AKAP10: variants seen among roughly 807,000 people sequenced by gnomAD.
AKAP10 encodes A-kinase anchor protein 10, mitochondrial.
A neutral mutation model predicts 80.8 loss-of-function variants in AKAP10; 24 were observed. The ratio of observed to expected loss-of-function variants is 0.30; its 90% confidence interval spans 0.22 to 0.42. AKAP10 has a LOEUF of 0.42. Ranked by LOEUF, AKAP10 falls within the 10% of genes least tolerant of loss-of-function variation. AKAP10 has a pLI of 1.00. For missense variants in AKAP10, 661 were observed against 794.9 expected (o/e 0.83, Z 2.03); for synonymous variants, 291 against 277.7 (o/e 1.05, Z -0.48).
chr17:19,909,012 T>C (rs2042661917), intron 14 of AKAP10, among the ~76,000 whole-genome samples, 169 bp downstream of exon 14: 1 of 152,220 alleles, frequency 6.6e-6, no homozygotes, highest in South Asian at 2.1e-4. Flanking sequence ...GTCCAATATA[T>C]GCAAACAGTT....
Position 19,939,911 on chromosome 17 carries a change from A to C in AKAP10, c.1186-62T>G, listed in dbSNP as rs142546883. The C allele has an allele frequency of 5.8e-4, 887 of 1,532,868 alleles. 5 individuals carry two copies. In the East Asian group the frequency reaches 0.018, roughly 31 times the overall value. The allele number at this position is 1,532,868 out of a possible 1,614,324, so 95.0% of individuals were successfully genotyped here. On this transcript the variant is annotated intron_variant, in intron 7 of 14. Coordinates refer to ENST00000225737, the MANE Select transcript of AKAP10 (RefSeq NM_007202.4). ...TAAACAGATTTCTCTCACAATCTCT[A>C]ATCTATAAGCTCAAATATTAAAATA...
chr17:19,942,328 G>A (rs1023804869), intron 5 of AKAP10, among the ~76,000 whole-genome samples: 2 of 151,452 alleles, frequency 1.3e-5, no homozygotes, highest in Non-Finnish European at 2.9e-5. Context: ...TGACCAACGT[G>A]AAAAGACATA....
intron 9 of AKAP10, among the ~76,000 whole-genome samples, chr17:19,932,779 ATC>A (rs1190904520): frequency 2.6e-5 from 4 of 152,098 alleles, no homozygotes; most frequent in Admixed American, 6.6e-5. Context: ...ATATCAAAAT[ATC>A]TGTTTCCACA....
chr17:19,927,652 G>A (rs755101060), intron 10 of AKAP10, among the ~76,000 whole-genome samples: 3 of 151,808 alleles, frequency 2.0e-5, no homozygotes, highest in East Asian at 3.9e-4. Context: ...AGCTCATGCC[G>A]GTAATCCCAG....
At chr17:19,927,872 T>C (rs1002329244) in intron 10 of AKAP10, among the ~76,000 whole-genome samples, 1 of 150,890 alleles carries the variant, frequency 6.6e-6, no homozygotes, top group African/African-American at 2.4e-5. Flanking sequence ...ATTGTGCCAT[T>C]GCACTCCAGC....
At chr17:19,918,975 G>A (rs1005073944) in intron 12 of AKAP10, among the ~76,000 whole-genome samples, 3 of 151,624 alleles carry the variant, frequency 2.0e-5, no homozygotes, top group Non-Finnish European at 4.4e-5. Context: ...TGTGCACAAC[G>A]TGCAGCTTTG....
At position 19,946,255 on chromosome 17, in the gene AKAP10, ATATATATATATATATATATATTTTTTT is replaced by A. The variant is rs1567765770; in HGVS notation, c.976+1125_976+1151del. Reference sequence around the variant, plus strand: ...ATATATATTATATATATATATATATATATATATATATATATATATATTTTTTTTTTTTTTTTTTTTTTTTGGCAGGGG... The same window carrying A: ...ATATATATTATATATATATATATATATTTTTTTTTTTTTTTTTGGCAGGGG... On this transcript the variant is annotated intron_variant, in intron 5 of 14. Transcript: ENST00000225737. 3.2e-3 allele frequency among the ~76,000 whole-genome samples: 68 copies of A among 21,350 alleles called. 1 individual carries two copies. The highest frequency in any genetic ancestry group is 0.013 in the African/African-American group (64 of 5,116). 14.0% of individuals were successfully genotyped at this position (21,350 alleles called of 152,430 possible).
At chr17:19,974,676 A>C (rs2043543283) in intron 1 of AKAP10, among the ~76,000 whole-genome samples, 2 of 151,554 alleles carry the variant, frequency 1.3e-5, no homozygotes, top group Admixed American at 1.3e-4. Context: ...TACTCTTACC[A>C]CATCCAGCCT....
At chr17:19,921,855 G>A (rs2042821136) in intron 11 of AKAP10, among the ~76,000 whole-genome samples, 1 of 152,136 alleles carries the variant, frequency 6.6e-6, no homozygotes, top group African/African-American at 2.4e-5. Flanking sequence ...CTGCTACAGT[G>A]ATGAGTTATA....
chr17:19,941,898 C>G lies in AKAP10; in HGVS notation c.989G>C (p.Gly330Ala), dbSNP rs1200790555. 6.2e-7 allele frequency: 1 copy of G among 1,609,876 alleles called. No individual in the cohort carries two copies. The highest frequency in any genetic ancestry group is 1.7e-5 in the Admixed American group (1 of 59,330). ...GTTGGGATCCACCTGTCCATCTTCT[C>G]CACAAATCCTTGCTGCAAAAGAAGT... is the stretch of plus-strand genomic sequence containing the variant. ...MRNDIIARICGEDGQVDPNCF... is the reference protein window; with the variant it reads ...MRNDIIARICAEDGQVDPNCF... Residue 330 changes from glycine (G) to alanine (A), a missense_variant, in exon 6 of 15, where the codon GGA (glycine) becomes GCA (alanine). Physicochemically the swap from Gly to Ala is moderately conservative, Grantham distance 60. Coordinates refer to ENST00000225737, the MANE Select transcript of AKAP10 (RefSeq NM_007202.4).
In AKAP10 at chr17:19,977,637, G is replaced by C; in HGVS notation, c.43C>G (p.Leu15Val). The C allele has an allele frequency of 8.1e-7, 1 of 1,235,314 alleles. No individual in the cohort carries two copies. The highest frequency in any genetic ancestry group is 1.0e-6 in the Non-Finnish European group (1 of 987,980). The allele number at this position is 1,235,314 out of a possible 1,614,324, so 76.5% of individuals were successfully genotyped here. Residue 15 changes from leucine to valine, a missense_variant, in exon 1 of 15, where the codon CTC (leucine) becomes GTC (valine). Coordinates refer to ENST00000225737, the MANE Select transcript of AKAP10 (RefSeq NM_007202.4). The stretch of plus-strand genomic sequence containing the variant: ...ATGGCGGGGCCCGGGTCGGGACGGA[G>C]GGTGCGGGGGGACTGGCGCGGGGAG... ...GPSPRQSPRT[L>V]RPDPGPAMSF... is the part of the protein sequence containing the mutation.
At chr17:19,938,977 C>T (rs558031512) in intron 8 of AKAP10, among the ~76,000 whole-genome samples, 1 of 152,256 alleles carries the variant, frequency 6.6e-6, no homozygotes, top group Non-Finnish European at 1.5e-5. Context: ...AGCGATTCAC[C>T]TGCCTCTGCC....
chr17:19,961,796 T>A (rs1349779161), intron 3 of AKAP10, among the ~76,000 whole-genome samples: 3 of 152,196 alleles, frequency 2.0e-5, no homozygotes, highest in African/African-American at 7.2e-5. Flanking sequence ...CTTAGACATT[T>A]TCCCACGTCT....
chr17:19,946,275 A>ATT lies in AKAP10; in HGVS notation c.976+1130_976+1131dup, dbSNP rs71157846. On this transcript the variant is annotated intron_variant, in intron 5 of 14. Coordinates refer to ENST00000225737, the MANE Select transcript of AKAP10 (RefSeq NM_007202.4). Reference sequence around the variant, plus strand: ...TATATATATATATATATATATATATATTTTTTTTTTTTTTTTTTTTTTTTG... The same window carrying ATT: ...TATATATATATATATATATATATATATTTTTTTTTTTTTTTTTTTTTTTTTTG... Among the ~76,000 whole-genome samples, 4 of 12,942 alleles carry ATT rather than the reference A, an allele frequency of 3.1e-4. 1 individual carries two copies. The highest frequency in any genetic ancestry group is 4.2e-3 in the East Asian group (1 of 236). 8.5% of individuals were successfully genotyped at this position (12,942 alleles called of 152,430 possible).
rs188389564 is a variant in AKAP10 at position 19,926,544 on chromosome 17, C to G, written c.1642-2027G>C. Among the ~76,000 whole-genome samples the G allele has an allele frequency of 7.2e-5, 11 of 152,178 alleles. No homozygotes were observed. In the East Asian group the frequency reaches 2.1e-3, roughly 29 times the overall value. Reference sequence around the variant, plus strand: ...AAATCCTAAAGAATCCACAAGAAAACTATTAGAGCTAACAATCAGATTTAT... The same window carrying G: ...AAATCCTAAAGAATCCACAAGAAAAGTATTAGAGCTAACAATCAGATTTAT... On this transcript the variant is annotated intron_variant, in intron 10 of 14. Transcript: ENST00000225737.
chr17:19,953,112 A>G (rs918580342), intron 4 of AKAP10, among the ~76,000 whole-genome samples: 1 of 152,156 alleles, frequency 6.6e-6, no homozygotes, highest in Non-Finnish European at 1.5e-5. Flanking sequence ...GAAAAATAAC[A>G]GGAAAAAAGT....
chr17:19,933,265 C>G (rs1369949047), intron 9 of AKAP10, among the ~76,000 whole-genome samples: 1 of 152,126 alleles, frequency 6.6e-6, no homozygotes, highest in African/African-American at 2.4e-5. Flanking sequence ...GTGATCCACC[C>G]GCCTCGATCT....
chr17:19,958,842 C>CTTTTTTTTTTTTTTTTTTTT lies in AKAP10; in HGVS notation c.320-291_320-272dup. 2.2e-5 allele frequency among the ~76,000 whole-genome samples: 2 copies of CTTTTTTTTTTTTTTTTTTTT among 92,936 alleles called. 1 individual carries two copies. 61.0% of individuals were successfully genotyped at this position (92,936 alleles called of 152,430 possible). A position where few individuals can be genotyped will look rare whatever the true frequency, so the allele number is the denominator to read the frequency against. On this transcript the variant is annotated intron_variant, in intron 3 of 14. Coordinates refer to ENST00000225737, the MANE Select transcript of AKAP10 (RefSeq NM_007202.4). ...AATGGCAATTCAGACCATGTAAATT[C>CTTTTTTTTTTTTTTTTTTTT]TTTTTTTTTTTTTTTTTTTTTTTTT...
chr17:19,950,225 A>C (rs1225134628), intron 4 of AKAP10, among the ~76,000 whole-genome samples: 1 of 152,242 alleles, frequency 6.6e-6, no homozygotes, highest in Non-Finnish European at 1.5e-5. Flanking sequence ...AATCACTCAA[A>C]AAAATAAATA....
Sources: allele counts gnomAD v4.1 joint callset (sites outside exome capture counted in the v4.1 genomes callset), GRCh38; gene constraint gnomAD v4.1.1; transcripts MANE v1.5; gene names NCBI Gene and HGNC (gene_info 2026-07-23, HGNC 2026-07-21).